ASCC3: variants seen among roughly 807,000 people sequenced by gnomAD.
The protein encoded by ASCC3 is ASC-1 complex subunit P200.
In ASCC3, 158 loss-of-function variants were observed where a neutral mutation model predicts 256.3. The observed-to-expected ratio is 0.62, with a 90% CI of 0.54 to 0.70. The LOEUF is 0.70. Ranked by LOEUF, ASCC3 falls within the 30% of genes least tolerant of loss-of-function variation. ASCC3 has a pLI of 0.00. For missense variants in ASCC3, 2,259 were observed against 2,626.0 expected (o/e 0.86, Z 3.05); for synonymous variants, 948 against 883.4 (o/e 1.07, Z -1.30).
intron 26 of ASCC3, among the ~76,000 whole-genome samples, chr6:100,629,681 A>G (rs2114863251): frequency 6.6e-6 from 1 of 152,280 alleles, no homozygotes; most frequent in East Asian, 1.9e-4. Flanking sequence ...GGAATTTTCT[A>G]TAGATTTTAT....
intron 33 of ASCC3, 29 bp from the exon 34 acceptor site, chr6:100,601,964 T>C (rs774073279): frequency 7.5e-6 from 12 of 1,608,108 alleles, no homozygotes; most frequent in Admixed American, 1.7e-5. Flanking sequence ...ATGGGAAGCA[T>C]ACAAGAGCAT....
chr6:100,802,837 A>G (rs568902422), intron 5 of ASCC3, among the ~76,000 whole-genome samples: 11 of 150,444 alleles, frequency 7.3e-5, no homozygotes, highest in Non-Finnish European at 1.5e-4. Flanking sequence ...TCATCTTTAT[A>G]AAAAAAAAAT....
intron 16 of ASCC3, 90 bp downstream of exon 16, chr6:100,661,716 T>C (rs1776229565): frequency 2.2e-6 from 3 of 1,365,900 alleles, no homozygotes; most frequent in Non-Finnish European, 3.1e-6. Flanking sequence ...TCCTAAACAC[T>C]ACAAAACAGC....
chr6:100,591,381 A>AT (rs1387811694), intron 34 of ASCC3, among the ~76,000 whole-genome samples: 2 of 152,082 alleles, frequency 1.3e-5, no homozygotes, highest in African/African-American at 4.8e-5. Context: ...TTTTTAAAAT[A>AT]TTTTTTCTCT....
At chr6:100,651,797 T>G (rs901391999) in intron 18 of ASCC3, 151 bp from the exon 19 acceptor site, 1 of 295,484 alleles carries the variant, frequency 3.4e-6, no homozygotes, top group Non-Finnish European at 6.2e-6. Flanking sequence ...AAGTCACTGC[T>G]TTATAAACAT....
At chr6:100,708,803 TA>T (rs1238805837) in intron 13 of ASCC3, among the ~76,000 whole-genome samples, 3 of 152,116 alleles carry the variant, frequency 2.0e-5, no homozygotes, top group African/African-American at 7.2e-5. Flanking sequence ...ATTCAGGGGC[TA>T]AAAGACCACA....
At chr6:100,874,698 G>C (rs747919703) in intron 1 of ASCC3, among the ~76,000 whole-genome samples, 2 of 152,028 alleles carry the variant, frequency 1.3e-5, no homozygotes, top group Non-Finnish European at 2.9e-5. Flanking sequence ...TGCCCTCAAT[G>C]ATGAGCTTAC....
At chr6:100,625,455 G>T (rs947480053) in intron 29 of ASCC3, 121 bp from the exon 30 acceptor site, 3 of 1,170,804 alleles carry the variant, frequency 2.6e-6, no homozygotes, top group Middle Eastern at 2.0e-4. Context: ...ATGAAATGTG[G>T]CATTATTGCA....
At chr6:100,679,141 C>T (rs928968373) in intron 14 of ASCC3, among the ~76,000 whole-genome samples, 34 of 150,896 alleles carry the variant, frequency 2.3e-4, no homozygotes, top group African/African-American at 8.1e-4. Context: ...CCTTTTTGTC[C>T]TTTGAGCATG....
chr6:100,650,806 T>C (rs532779947), intron 19 of ASCC3, 92 bp from the exon 20 acceptor site: 3 of 1,027,710 alleles, frequency 2.9e-6, no homozygotes, highest in South Asian at 2.7e-5. Flanking sequence ...TTTTAAAGAG[T>C]TTCCATTTAC....
At chr6:100,690,903 C>A (rs1777813970) in intron 13 of ASCC3, among the ~76,000 whole-genome samples, 1 of 152,046 alleles carries the variant, frequency 6.6e-6, no homozygotes, top group Non-Finnish European at 1.5e-5. Flanking sequence ...GTTATTATTA[C>A]TGAATTATAT....
intron 2 of ASCC3, 135 bp from the exon 3 acceptor site, chr6:100,864,349 C>A: frequency 2.8e-6 from 2 of 715,780 alleles, no homozygotes; most frequent in Non-Finnish European, 4.5e-6. Context: ...CTATTCACAT[C>A]CAAACTGACT....
At chr6:100,796,798 G>A (rs949574619) in intron 8 of ASCC3, among the ~76,000 whole-genome samples, 13 of 152,064 alleles carry the variant, frequency 8.5e-5, no homozygotes, top group African/African-American at 2.9e-4. Context: ...TATGGCAGAC[G>A]AATATAGTTT....
At chr6:100,646,907 G>T in intron 21 of ASCC3, 138 bp from the exon 22 acceptor site, 1 of 932,608 alleles carries the variant, frequency 1.1e-6, no homozygotes, top group Non-Finnish European at 1.7e-6. Flanking sequence ...TGACATTCTT[G>T]ACCTGGCATG....
chr6:100,691,882 G>A (rs898601867), intron 13 of ASCC3, among the ~76,000 whole-genome samples: 22 of 151,314 alleles, frequency 1.5e-4, no homozygotes, highest in African/African-American at 5.1e-4. Flanking sequence ...GATAAACTTG[G>A]GCAAGTTCAC....
At chr6:100,572,612 T>G (rs545244837) in intron 36 of ASCC3, among the ~76,000 whole-genome samples, 4 of 152,154 alleles carry the variant, frequency 2.6e-5, no homozygotes, top group African/African-American at 9.6e-5. Context: ...AAAAGTAGTA[T>G]TATATATAAA....
intron 2 of ASCC3, 80 bp from the exon 3 acceptor site, chr6:100,864,294 T>C: frequency 7.8e-7 from 1 of 1,275,294 alleles, no homozygotes; most frequent in Non-Finnish European, 1.1e-6. Context: ...TATTTTGCAT[T>C]ACATTATACA....
At chr6:100,700,818 G>T (rs970126541) in intron 13 of ASCC3, among the ~76,000 whole-genome samples, 2 of 152,186 alleles carry the variant, frequency 1.3e-5, no homozygotes, top group African/African-American at 4.8e-5. Context: ...GTACCCCATT[G>T]TATCTAGGAA....
chr6:100,560,476 C>A (rs913094781), intron 36 of ASCC3, among the ~76,000 whole-genome samples: 6 of 152,040 alleles, frequency 3.9e-5, no homozygotes, highest in African/African-American at 1.4e-4. Context: ...TTAGAGACTC[C>A]ACCTGAGCTT....
Sources: gnomAD v4.1 joint callset for allele counts (sites outside exome capture counted in the v4.1 genomes callset) on GRCh38, gnomAD v4.1.1 for gene constraint, MANE v1.5 for transcripts, NCBI Gene and HGNC (gene_info 2026-07-23, HGNC 2026-07-21) for gene names.